TMEM132C: variants seen among roughly 807,000 people sequenced by gnomAD.
TMEM132C encodes the protein protein phosphatase 1, regulatory subunit 152.
Under a neutral mutation model 61.4 loss-of-function variants are expected in TMEM132C, and 29 were observed. That is an observed-to-expected ratio of 0.47 (90% CI 0.35 to 0.64). TMEM132C has a LOEUF of 0.64. Among genes scored for constraint, TMEM132C ranks in the 30% least tolerant of loss-of-function variants. The pLI is 0.00. For synonymous variants in TMEM132C, 656 were observed against 633.1 expected, an observed-to-expected ratio of 1.04 and a Z score of -0.54; for missense variants, 1,408 against 1,476.9, an observed-to-expected ratio of 0.95 and a Z score of 0.76.
chr12:128,384,207 T>C (rs893113817), intron 1 of TMEM132C, among the ~76,000 whole-genome samples: 2 of 152,070 alleles, frequency 1.3e-5, no homozygotes, highest in African/African-American at 4.8e-5. Flanking sequence ...GGAGACAATT[T>C]AGAGAGTAAA....
chr12:128,699,409 G>A (rs911308155), intron 8 of TMEM132C, among the ~76,000 whole-genome samples: 11 of 152,316 alleles, frequency 7.2e-5, no homozygotes, highest in Non-Finnish European at 1.5e-4. Flanking sequence ...AATTATTTGG[G>A]TGGTGGCAGA....
intron 3 of TMEM132C, among the ~76,000 whole-genome samples, chr12:128,573,920 G>A (rs1874996258): frequency 6.6e-6 from 1 of 150,746 alleles, no homozygotes. Flanking sequence ...AAAGAGAGTG[G>A]TGAAAATAGG....
chr12:128,578,430 C>G (rs922179871), intron 3 of TMEM132C, among the ~76,000 whole-genome samples: 2 of 152,168 alleles, frequency 1.3e-5, no homozygotes, highest in African/African-American at 4.8e-5. Flanking sequence ...TTCTGTTCTG[C>G]CCACCAATAA....
Position 128,570,791 on chromosome 12 carries a change from G to A in TMEM132C, c.1121+26688G>A, listed in dbSNP as rs759464090. 1.1e-4 allele frequency among the ~76,000 whole-genome samples: 16 copies of A among 152,308 alleles called. No individual in the cohort carries two copies. The highest frequency in any genetic ancestry group is 1.0e-3 in the South Asian group (5 of 4,828). On this transcript the variant is annotated intron_variant, in intron 3 of 8. Coordinates refer to ENST00000435159, the MANE Select transcript of TMEM132C (RefSeq NM_001136103.3). The surrounding 1 kb of genome is among the most constrained non-coding windows in gnomAD (Gnocchi z 4.7). ...AGGCAATAAGTAGGTGAAGGCTGGC[G>A]CTGTTTGCCTCTTTGGATAAGAAAA...
At chr12:128,599,355 A>C (rs1876086344) in intron 3 of TMEM132C, among the ~76,000 whole-genome samples, 1 of 152,234 alleles carries the variant, frequency 6.6e-6, no homozygotes. Flanking sequence ...GCAAAGAATA[A>C]GAAGTACCCA....
intron 1 of TMEM132C, among the ~76,000 whole-genome samples, chr12:128,339,874 T>G (rs1000422046): frequency 6.6e-6 from 1 of 152,144 alleles, no homozygotes; most frequent in Non-Finnish European, 1.5e-5. Flanking sequence ...CCAAGAATCT[T>G]GGCAGAACTG....
chr12:128,316,846 G>T (rs2135931204), intron 1 of TMEM132C, among the ~76,000 whole-genome samples: 1 of 152,090 alleles, frequency 6.6e-6, no homozygotes, highest in Non-Finnish European at 1.5e-5. Context: ...CTTTCCTGGG[G>T]CCATCTGTGA....
At chr12:128,503,845 C>T (rs1872262259) in intron 2 of TMEM132C, among the ~76,000 whole-genome samples, 2 of 152,202 alleles carry the variant, frequency 1.3e-5, no homozygotes, top group Non-Finnish European at 2.9e-5. Flanking sequence ...TGTTATTCAG[C>T]AAATCACCCC....
intron 1 of TMEM132C, among the ~76,000 whole-genome samples, chr12:128,280,077 C>T (rs1382641587): frequency 2.0e-5 from 3 of 152,278 alleles, no homozygotes; most frequent in African/African-American, 7.2e-5. Flanking sequence ...ATCTTGATAG[C>T]CCAAGATTCA....
chr12:128,455,942 A>G (rs779573084), intron 2 of TMEM132C, among the ~76,000 whole-genome samples: 1 of 152,242 alleles, frequency 6.6e-6, no homozygotes, highest in Non-Finnish European at 1.5e-5. Flanking sequence ...GAGTGTTTAT[A>G]AAACAAAGAT....
chr12:128,692,601 C>T (rs894456290), intron 5 of TMEM132C, among the ~76,000 whole-genome samples: 6 of 152,168 alleles, frequency 3.9e-5, no homozygotes, highest in African/African-American at 1.2e-4. Context: ...TGGGGAAGGG[C>T]ACATCTTGTC....
chr12:128,629,485 A>C lies in TMEM132C; in HGVS notation c.1305+13150A>C, dbSNP rs73428455. On this transcript the variant is annotated intron_variant, in intron 4 of 8. Coordinates refer to ENST00000435159, the MANE Select transcript of TMEM132C (RefSeq NM_001136103.3). ...AGATCCTGTCTCAAAACAAAAAAAA[A>C]CCAATATGATTCCACTAATATGAGG... Among the ~76,000 whole-genome samples the C allele has an allele frequency of 2.4e-3, 361 of 152,278 alleles. 3 individuals carry two copies. Among genetic ancestry groups the C allele is most frequent in the African/African-American group, 8.0e-3 (333 of 41,548 alleles).
chr12:128,447,867 C>G (rs975765597), intron 2 of TMEM132C, among the ~76,000 whole-genome samples: 1 of 136,112 alleles, frequency 7.3e-6, no homozygotes, highest in Non-Finnish European at 1.5e-5. Flanking sequence ...GCTGGGACTA[C>G]AGGCGCCCGC....
At chr12:128,575,731 T>G (rs1875068310) in intron 3 of TMEM132C, among the ~76,000 whole-genome samples, 1 of 152,216 alleles carries the variant, frequency 6.6e-6, no homozygotes, top group South Asian at 2.1e-4. Flanking sequence ...TTGCTATCAT[T>G]TATTTAAAAG....
chr12:128,474,564 T>C (rs1478856074), intron 2 of TMEM132C, among the ~76,000 whole-genome samples: 1 of 152,142 alleles, frequency 6.6e-6, no homozygotes, highest in African/African-American at 2.4e-5. Flanking sequence ...CCAGACACAT[T>C]TCCATAAGTA....
At chr12:128,268,188 G>T (rs1312329494) in intron 1 of TMEM132C, among the ~76,000 whole-genome samples, 11 of 152,202 alleles carry the variant, frequency 7.2e-5, no homozygotes, top group Admixed American at 7.2e-4. Flanking sequence ...CCTGTCCGGG[G>T]CTCCTTCACC....
chr12:128,273,808 C>T (rs1456506971), intron 1 of TMEM132C, among the ~76,000 whole-genome samples: 1 of 152,126 alleles, frequency 6.6e-6, no homozygotes, highest in Non-Finnish European at 1.5e-5. Context: ...AAATTTACAA[C>T]AGTATATTCC....
chr12:128,469,362 T>C (rs79329775), intron 2 of TMEM132C, among the ~76,000 whole-genome samples: 1,510 of 149,524 alleles, frequency 0.01, 31 homozygotes, highest in African/African-American at 0.035. Flanking sequence ...GATCTCACTC[T>C]GTTGCCCAGG....
At chr12:128,487,485 TG>T (rs1871539940) in intron 2 of TMEM132C, among the ~76,000 whole-genome samples, 1 of 151,964 alleles carries the variant, frequency 6.6e-6, no homozygotes, top group Non-Finnish European at 1.5e-5. Flanking sequence ...TGTGTGTGTG[TG>T]TGTGTGTATG....
Sources: gnomAD v4.1 joint callset for allele counts (sites outside exome capture counted in the v4.1 genomes callset) on GRCh38, gnomAD v4.1.1 for gene constraint, Gnocchi (gnomAD v3.1) non-coding constraint, MANE v1.5 for transcripts, NCBI Gene and HGNC (gene_info 2026-07-23, HGNC 2026-07-21) for gene names.